CDC42SE2: variants seen among roughly 807,000 people sequenced by gnomAD.
The protein encoded by CDC42SE2 is CDC42 small effector 2.
In CDC42SE2, 3 loss-of-function variants were observed where a neutral mutation model predicts 11.5. The observed-to-expected ratio is 0.26, with a 90% CI of 0.12 to 0.67. The LOEUF (loss-of-function observed/expected upper bound fraction) is 0.67. Ranked by LOEUF, CDC42SE2 falls within the 30% of genes least tolerant of loss-of-function variation. The pLI is 0.80. For missense variants in CDC42SE2, 82 were observed against 106.8 expected, an observed-to-expected ratio of 0.77 and a Z score of 1.02; for synonymous variants, 33 against 34.8, an observed-to-expected ratio of 0.95 and a Z score of 0.18.
At chr5:131,343,713 C>CAAAA (rs530307746) in intron 2 of CDC42SE2, among the ~76,000 whole-genome samples, 1 of 101,050 alleles carries the variant, frequency 9.9e-6, no homozygotes, top group African/African-American at 3.2e-5. Flanking sequence ...AACTCTGTCT[C>CAAAA]AAAAAAAAAA....
At chr5:131,381,322 GTTTTT>G (rs58641820) in intron 3 of CDC42SE2, among the ~76,000 whole-genome samples, 1 of 146,212 alleles carries the variant, frequency 6.8e-6, no homozygotes, top group Admixed American at 6.8e-5. Context: ...GTTTTTTTTT[GTTTTT>G]TTTTTTGTTT....
intron 1 of CDC42SE2, among the ~76,000 whole-genome samples, chr5:131,296,287 G>A (rs1757570010): frequency 6.6e-6 from 1 of 152,138 alleles, no homozygotes; most frequent in Non-Finnish European, 1.5e-5. Flanking sequence ...ACTTAGATTT[G>A]TGTGACTTTT....
the CDC42SE2 span, among the ~76,000 whole-genome samples, chr5:131,231,166 T>C: frequency 6.6e-6 from 1 of 152,174 alleles, no homozygotes; most frequent in Non-Finnish European, 1.5e-5. Context: ...TTTAATTCTC[T>C]GGAAGATTAA....
chr5:131,316,905 A>T (rs1328627176), intron 2 of CDC42SE2, among the ~76,000 whole-genome samples: 1 of 152,174 alleles, frequency 6.6e-6, no homozygotes, highest in East Asian at 1.9e-4. Flanking sequence ...ACTCAAAGCC[A>T]TGTTTTTTAG....
chr5:131,313,592 T>C (rs1420550021), intron 1 of CDC42SE2, among the ~76,000 whole-genome samples: 3 of 152,300 alleles, frequency 2.0e-5, no homozygotes, highest in Non-Finnish European at 4.4e-5. Context: ...CTCTGCTGGA[T>C]TGCCTTTGTA....
intron 1 of CDC42SE2, among the ~76,000 whole-genome samples, chr5:131,286,941 C>T (rs1757353630): frequency 6.6e-6 from 1 of 151,898 alleles, no homozygotes; most frequent in Non-Finnish European, 1.5e-5. Context: ...GACAGGTTGC[C>T]GGGACCATAA....
the CDC42SE2 span, among the ~76,000 whole-genome samples, chr5:131,234,590 C>T: frequency 6.7e-5 from 10 of 149,774 alleles, no homozygotes; most frequent in African/African-American, 2.2e-4. Context: ...GTGCCAAGAT[C>T]GTGCCACTGC....
In CDC42SE2 at chr5:131,393,008, A is replaced by G. The variant is rs77206401; in HGVS notation, c.*1917A>G. 772 of 152,468 alleles carry G rather than the reference A, an allele frequency of 5.1e-3. 4 individuals are homozygous for G. Among genetic ancestry groups the G allele is most frequent in the Non-Finnish European group, 8.4e-3 (572 of 68,036 alleles). The allele number at this position is 152,468 out of a possible 1,614,324, so 9.4% of individuals were successfully genotyped here. ...ATGTTTGTCCTTGCACGAATTTTGT[A>G]TATTTCAAATATTTCTGTAAAGGTT... On this transcript the variant is annotated 3_prime_UTR_variant, in exon 5 of 5. Coordinates refer to ENST00000505065, the MANE Select transcript of CDC42SE2 (RefSeq NM_001375635.1).
chr5:131,224,993 A>G, the CDC42SE2 span, among the ~76,000 whole-genome samples: 5 of 152,054 alleles, frequency 3.3e-5, no homozygotes, highest in African/African-American at 1.2e-4. Flanking sequence ...TGGGGGGTCC[A>G]CATGAAGCAG....
chr5:131,295,126 CA>C lies in CDC42SE2; in HGVS notation c.-454-20838del, dbSNP rs71000989. On this transcript the variant is annotated intron_variant, in intron 1 of 4. Transcript: ENST00000505065. ...TGGGTGGCAGAGTGAGACTAAGTCT[CA>C]AAAAAAAAAAATAGGCATGGAGGTG... is the stretch of plus-strand genomic sequence containing the variant. 5.1e-3 allele frequency among the ~76,000 whole-genome samples: 730 copies of C among 143,166 alleles called. 4 individuals carry two copies. Among genetic ancestry groups the C allele is most frequent in the African/African-American group, 0.016 (609 of 37,782 alleles). The allele number at this position is 143,166 out of a possible 152,430, so 93.9% of individuals were successfully genotyped here.
chr5:131,262,269 G>A (rs116757800), upstream of CDC42SE2, among the ~76,000 whole-genome samples: 1,483 of 151,676 alleles, frequency 9.8e-3, 12 homozygotes, highest in Non-Finnish European at 0.017. Context: ...GGATTGTAGC[G>A]TATCATTGGT....
chr5:131,282,577 T>G (rs1757258203), intron 1 of CDC42SE2, among the ~76,000 whole-genome samples: 1 of 152,078 alleles, frequency 6.6e-6, no homozygotes, highest in Admixed American at 6.6e-5. Context: ...GGAGGTTATT[T>G]TCCTTCCTTA....
chr5:131,279,904 CTCTATA>C (rs908472890), intron 1 of CDC42SE2, among the ~76,000 whole-genome samples: 1 of 152,132 alleles, frequency 6.6e-6, no homozygotes, highest in African/African-American at 2.4e-5. Flanking sequence ...GAAACCCTAT[CTCTATA>C]AAAAATACAA....
At chr5:131,236,422 CTTATTA>C in the CDC42SE2 span, among the ~76,000 whole-genome samples, 2 of 151,732 alleles carry the variant, frequency 1.3e-5, no homozygotes, top group Non-Finnish European at 2.9e-5. Flanking sequence ...GTTAAGTTTA[CTTATTA>C]TTATTATTAT....
At chr5:131,260,708 C>A (rs572526646), upstream of CDC42SE2, among the ~76,000 whole-genome samples, 1 of 151,292 alleles carries the variant, frequency 6.6e-6, no homozygotes, top group Non-Finnish European at 1.5e-5. Flanking sequence ...CCGAGGCAGG[C>A]GGATCCCCTG....
chr5:131,318,040 A>T (rs974099117), intron 2 of CDC42SE2, among the ~76,000 whole-genome samples: 2 of 152,112 alleles, frequency 1.3e-5, no homozygotes, highest in Non-Finnish European at 1.5e-5. Context: ...TCCTGGGCTC[A>T]AGCGATCCTC....
At chr5:131,302,764 C>A (rs1348565046) in intron 1 of CDC42SE2, among the ~76,000 whole-genome samples, 1 of 151,064 alleles carries the variant, frequency 6.6e-6, no homozygotes, top group South Asian at 2.1e-4. Flanking sequence ...AAATTATTTA[C>A]AAAGTGGTTG....
the CDC42SE2 span, among the ~76,000 whole-genome samples, chr5:131,213,174 C>G: frequency 6.6e-6 from 1 of 152,096 alleles, no homozygotes; most frequent in African/African-American, 2.4e-5. Flanking sequence ...GCCTGGGCAA[C>G]AAGAGCGAAA....
At chr5:131,287,570 C>G (rs939256570) in intron 1 of CDC42SE2, among the ~76,000 whole-genome samples, 2 of 151,636 alleles carry the variant, frequency 1.3e-5, no homozygotes, top group Admixed American at 1.3e-4. Flanking sequence ...TCAGGTGATT[C>G]TCCCACCTCA....
Sources: allele counts gnomAD v4.1 joint callset (sites outside exome capture counted in the v4.1 genomes callset), GRCh38; gene constraint gnomAD v4.1.1; transcripts MANE v1.5; gene names NCBI Gene and HGNC (gene_info 2026-07-23, HGNC 2026-07-21).